Variants in SLC13A3 observed in about 807,000 individuals in gnomAD.
SLC13A3 encodes the protein Na(+)/dicarboxylate cotransporter 3.
In SLC13A3, 40 loss-of-function variants were observed where a neutral mutation model predicts 59.0. The observed-to-expected ratio is 0.68, with a 90% CI of 0.53 to 0.88. SLC13A3 has a LOEUF of 0.88. Ranked by LOEUF, SLC13A3 falls within the 40% of genes least tolerant of loss-of-function variation. The probability of loss-of-function intolerance (pLI) is 0.00; values close to 1 mark genes in which losing one functional copy is unlikely to be tolerated. For synonymous variants in SLC13A3, 317 were observed against 330.3 expected (o/e 0.96, Z 0.44); for missense variants, 699 against 783.2 (o/e 0.89, Z 1.28).
chr20:46,575,358 C>A (rs2062064429), intron 10 of SLC13A3, among the ~76,000 whole-genome samples: 1 of 152,232 alleles, frequency 6.6e-6, no homozygotes, highest in Non-Finnish European at 1.5e-5. Flanking sequence ...CCATCATGAG[C>A]TCCTTAAGGA....
At chr20:46,632,214 C>T (rs957453139) in intron 1 of SLC13A3, among the ~76,000 whole-genome samples, 5 of 152,202 alleles carry the variant, frequency 3.3e-5, no homozygotes, top group Admixed American at 2.0e-4. Context: ...CTATGAAGTG[C>T]TGAACTTTGC....
intron 6 of SLC13A3, among the ~76,000 whole-genome samples, chr20:46,591,010 G>A (rs1350243807): frequency 6.7e-6 from 1 of 148,256 alleles, no homozygotes; most frequent in Non-Finnish European, 1.5e-5. Context: ...AAAAAAAAAA[G>A]GCACAAAAAA....
intron 11 of SLC13A3, 31 bp downstream of exon 11, chr20:46,566,198 G>A (rs762547630): frequency 6.3e-7 from 1 of 1,593,468 alleles, no homozygotes; most frequent in Non-Finnish European, 8.6e-7. Context: ...TGGGGGAGGG[G>A]TGCTCCCCTC....
chr20:46,619,859 A>C lies in SLC13A3; in HGVS notation c.112-6134T>G, dbSNP rs141550367. 1.1e-3 allele frequency among the ~76,000 whole-genome samples: 165 copies of C among 152,342 alleles called. 1 individual carries two copies. The highest frequency in any genetic ancestry group is 3.8e-3 in the African/African-American group (156 of 41,578). On this transcript the variant is annotated intron_variant, in intron 1 of 12. Coordinates refer to ENST00000279027, the MANE Select transcript of SLC13A3 (RefSeq NM_022829.6). ...CAGCACTCGGTTCACAGAAGAGCAG[A>C]ACAGCACAGCGGTTAAGAACATGGG...
At chr20:46,579,683 C>T (rs889086948) in intron 9 of SLC13A3, among the ~76,000 whole-genome samples, 1 of 152,200 alleles carries the variant, frequency 6.6e-6, no homozygotes, top group Non-Finnish European at 1.5e-5. Context: ...ATTCCATGGA[C>T]CAGACTTAAC....
chr20:46,620,857 G>C (rs1198350457), intron 1 of SLC13A3, among the ~76,000 whole-genome samples: 1 of 152,110 alleles, frequency 6.6e-6, no homozygotes, highest in African/African-American at 2.4e-5. Context: ...ATCAGCTGTA[G>C]ACAAGAGCAG....
Position 46,613,034 on chromosome 20 carries a change from G to A in SLC13A3, c.377+426C>T, listed in dbSNP as rs187935378. On this transcript the variant is annotated intron_variant, in intron 2 of 12. Coordinates refer to ENST00000279027, the MANE Select transcript of SLC13A3 (RefSeq NM_022829.6). ...TCTAATCCTCACTAAACTCTATGAG[G>A]TGGGTGCCACTACATCACTATTTCA... Among the ~76,000 whole-genome samples, 185 of 152,278 alleles carry A rather than the reference G, an allele frequency of 1.2e-3. 1 individual carries two copies. Among genetic ancestry groups the A allele is most frequent in the African/African-American group, 4.2e-3 (175 of 41,538 alleles).
chr20:46,621,422 G>A (rs959060387), intron 1 of SLC13A3, among the ~76,000 whole-genome samples: 2 of 152,124 alleles, frequency 1.3e-5, no homozygotes, highest in African/African-American at 2.4e-5. Context: ...ATTAAGTTCC[G>A]CAGACTCTTA....
At chr20:46,676,878 G>C (rs2095420573) in intron 1 of SLC13A3, among the ~76,000 whole-genome samples, 1 of 152,132 alleles carries the variant, frequency 6.6e-6, no homozygotes, top group South Asian at 2.1e-4. Flanking sequence ...CCTACGCCAG[G>C]GTGGCCAGGA....
chr20:46,559,064 T>A lies in SLC13A3; in HGVS notation c.*958A>T, dbSNP rs2146065561. ...AGGCCCCAATTTATCTTTTGACTTT[T>A]CTCTCACCCCTGACAAATGGGGCCT... On this transcript the variant is annotated 3_prime_UTR_variant, in exon 13 of 13. Coordinates refer to ENST00000279027, the MANE Select transcript of SLC13A3 (RefSeq NM_022829.6). The A allele has an allele frequency of 6.6e-6, 1 of 152,244 alleles. No homozygotes were observed. Among genetic ancestry groups the A allele is most frequent in the South Asian group, 2.1e-4 (1 of 4,816 alleles). The allele number at this position is 152,244 out of a possible 1,614,324, so 9.4% of individuals were successfully genotyped here.
At chr20:46,561,527 A>G (rs1436965281) in intron 12 of SLC13A3, among the ~76,000 whole-genome samples, 4 of 152,026 alleles carry the variant, frequency 2.6e-5, no homozygotes, top group Non-Finnish European at 5.9e-5. Context: ...GGAGAGCTTA[A>G]TTCTTTTGTT....
At chr20:46,581,902 A>C (rs1340892673) in intron 9 of SLC13A3, among the ~76,000 whole-genome samples, 1 of 152,148 alleles carries the variant, frequency 6.6e-6, no homozygotes, top group Non-Finnish European at 1.5e-5. Flanking sequence ...ATGGAGAAAA[A>C]CTGAATCCTG....
intron 1 of SLC13A3, among the ~76,000 whole-genome samples, chr20:46,632,605 G>A (rs2062751083): frequency 6.6e-6 from 1 of 152,254 alleles, no homozygotes; most frequent in Middle Eastern, 3.4e-3. Context: ...CAGATTGTCT[G>A]GGTTCCAATC....
intron 3 of SLC13A3, among the ~76,000 whole-genome samples, chr20:46,608,009 T>C (rs2062452813): frequency 6.6e-6 from 1 of 152,046 alleles, no homozygotes; most frequent in Admixed American, 6.5e-5. Flanking sequence ...ATAAAGTGAG[T>C]CTAACTAGGG....
chr20:46,635,773 T>TA (rs1460369766), intron 1 of SLC13A3, among the ~76,000 whole-genome samples: 3 of 152,162 alleles, frequency 2.0e-5, no homozygotes, highest in Non-Finnish European at 4.4e-5. Context: ...TTTCACAAGA[T>TA]ACAGGTCACA....
chr20:46,629,881 T>A (rs1477977346), intron 1 of SLC13A3, among the ~76,000 whole-genome samples: 1 of 152,228 alleles, frequency 6.6e-6, no homozygotes, highest in Non-Finnish European at 1.5e-5. Context: ...AATCTTCTAG[T>A]ATTTATTCTG....
chr20:46,563,274 G>A (rs1225908416), intron 12 of SLC13A3, 140 bp downstream of exon 12: 9 of 982,418 alleles, frequency 9.2e-6, no homozygotes, highest in South Asian at 1.9e-5. Context: ...CTAAATGTAT[G>A]TTCCTGGTCC....
rs3086595 is a variant in SLC13A3, at chr20:46,558,094, C to CCTAG, written c.*1927_*1928insCTAG. ...AATAAGAAAATAAGTTATACAGTGT[C>CCTAG]CTATTAAGGAGAAATTATAGCAGAG... On this transcript the variant is annotated 3_prime_UTR_variant, in exon 13 of 13. Coordinates refer to ENST00000279027, the MANE Select transcript of SLC13A3 (RefSeq NM_022829.6). 2.0e-5 allele frequency: 3 copies of CCTAG among 151,892 alleles called. No individual in the cohort carries two copies. Among genetic ancestry groups the CCTAG allele is most frequent in the Non-Finnish European group, 2.9e-5 (2 of 67,934 alleles). The allele number at this position is 151,892 out of a possible 1,614,324, so 9.4% of individuals were successfully genotyped here. A position where few individuals can be genotyped will look rare whatever the true frequency, so the allele number is the denominator to read the frequency against.
chr20:46,684,281 T>TA (rs1431055202), intron 1 of SLC13A3: 1 of 152,270 alleles, frequency 6.6e-6, no homozygotes, highest in Non-Finnish European at 1.5e-5. Context: ...TCCCCTCTAT[T>TA]AGATCTCCAG....
Sources: gnomAD v4.1 joint callset for allele counts (sites outside exome capture counted in the v4.1 genomes callset) on GRCh38, gnomAD v4.1.1 for gene constraint, MANE v1.5 for transcripts, NCBI Gene and HGNC (gene_info 2026-07-23, HGNC 2026-07-21) for gene names.